CSRNP3: variants seen among roughly 807,000 people sequenced by gnomAD.
The protein encoded by CSRNP3 is cysteine/serine-rich nuclear protein 3.
In CSRNP3, 12 loss-of-function variants were observed where a neutral mutation model predicts 48.0. The ratio of observed to expected loss-of-function variants is 0.25; its 90% CI spans 0.16 to 0.41. The LOEUF is 0.41. Among genes scored for constraint, CSRNP3 ranks in the 10% least tolerant of loss-of-function variants. The pLI, the probability that CSRNP3 is intolerant of heterozygous loss-of-function variation, is 1.00. For missense variants in CSRNP3, 580 were observed against 724.4 expected (o/e 0.80, Z 2.29); for synonymous variants, 263 against 269.7 (o/e 0.98, Z 0.24).
chr2:165,521,590 C>G (rs1475610556), intron 3 of CSRNP3, among the ~76,000 whole-genome samples: 1 of 152,192 alleles, frequency 6.6e-6, no homozygotes, highest in African/African-American at 2.4e-5. Flanking sequence ...CTCTAGGTGG[C>G]TCTTTCTTCT....
intron 2 of CSRNP3, among the ~76,000 whole-genome samples, chr2:165,502,923 C>A (rs953220379): frequency 6.6e-6 from 1 of 151,620 alleles, no homozygotes; most frequent in Non-Finnish European, 1.5e-5. Context: ...TGTATTTAAT[C>A]ATTTGCCTTG....
At chr2:165,522,807 C>A (rs1387972221) in intron 3 of CSRNP3, among the ~76,000 whole-genome samples, 2 of 152,086 alleles carry the variant, frequency 1.3e-5, no homozygotes, top group Admixed American at 1.3e-4. Flanking sequence ...TCCAGCCACT[C>A]CTTTCTTCCA....
At chr2:165,594,989 A>T in intron 3 of CSRNP3, 54 bp from the exon 4 acceptor site, 1 of 1,544,434 alleles carries the variant, frequency 6.5e-7, no homozygotes, top group Non-Finnish European at 8.9e-7. Flanking sequence ...GACCTTGGCT[A>T]CACGTTCAGC....
chr2:165,503,333 A>G (rs1479585759), intron 2 of CSRNP3, among the ~76,000 whole-genome samples: 5 of 151,858 alleles, frequency 3.3e-5, no homozygotes, highest in Non-Finnish European at 7.4e-5. Flanking sequence ...ATTATTTGTT[A>G]TTTATTTGTG....
At chr2:165,670,186 A>G (rs1374424711) in intron 5 of CSRNP3, among the ~76,000 whole-genome samples, 1 of 152,120 alleles carries the variant, frequency 6.6e-6, no homozygotes, top group Non-Finnish European at 1.5e-5. Flanking sequence ...ACCACTGTTC[A>G]TTTAACTGCT....
rs2105371791 is a variant in CSRNP3, at chr2:165,685,505, A to G, written c.*5752A>G. The G allele has an allele frequency of 6.6e-6, 1 of 152,176 alleles. No homozygotes were observed. 9.4% of individuals were successfully genotyped at this position (152,176 alleles called of 1,614,324 possible). A position where few individuals can be genotyped will look rare whatever the true frequency, so the allele number is the denominator to read the frequency against. On this transcript the variant is annotated 3_prime_UTR_variant, in exon 7 of 7. Coordinates refer to ENST00000651982, the MANE Select transcript of CSRNP3 (RefSeq NM_001172173.2). ...ACGACCAGATTCAAAGCCTAAAACA[A>G]TATGTTTCAGTTTACTTTTATATGT...
At chr2:165,599,409 T>A (rs1685874544) in intron 4 of CSRNP3, among the ~76,000 whole-genome samples, 1 of 152,032 alleles carries the variant, frequency 6.6e-6, no homozygotes, top group African/African-American at 2.4e-5. Context: ...TGTCTCACTG[T>A]CATGCAGGTA....
chr2:165,515,790 T>A (rs961297438), intron 2 of CSRNP3, among the ~76,000 whole-genome samples: 2 of 147,696 alleles, frequency 1.4e-5, no homozygotes, highest in African/African-American at 5.0e-5. Flanking sequence ...AATATCTTTT[T>A]CTTTTCCTTT....
At chr2:165,660,140 C>T (rs376223811) in intron 5 of CSRNP3, among the ~76,000 whole-genome samples, 4 of 152,172 alleles carry the variant, frequency 2.6e-5, no homozygotes, top group African/African-American at 7.2e-5. Flanking sequence ...TTGTCACCCA[C>T]GGCAAACCAA....
chr2:165,596,002 G>A (rs1685804149), intron 4 of CSRNP3, among the ~76,000 whole-genome samples: 1 of 151,956 alleles, frequency 6.6e-6, no homozygotes, highest in African/African-American at 2.4e-5. Flanking sequence ...TGTATTTTTA[G>A]TATAGATGGC....
At chr2:165,473,361 G>A (rs1683918117) in intron 1 of CSRNP3, among the ~76,000 whole-genome samples, 2 of 152,006 alleles carry the variant, frequency 1.3e-5, no homozygotes, top group African/African-American at 2.4e-5. Flanking sequence ...TGCTAGTTTG[G>A]CAAATAACCT....
At position 165,676,231 on chromosome 2, in the gene CSRNP3, G is replaced by T; in HGVS notation, c.409-81G>T. ...TATGAGGACATGATGATATATAATAGTTCATTCTCACCCAGTACAAACATA... is the reference window on the plus strand; with the variant it reads ...TATGAGGACATGATGATATATAATATTTCATTCTCACCCAGTACAAACATA... On this transcript the variant is annotated intron_variant, in intron 5 of 6. Transcript: ENST00000651982. 3.0e-6 allele frequency: 3 copies of T among 1,011,474 alleles called. No individual in the cohort carries two copies. The African/African-American group carries it at 4.8e-5, about 16-fold the overall frequency. 62.7% of individuals were successfully genotyped at this position (1,011,474 alleles called of 1,614,324 possible). A position where few individuals can be genotyped will look rare whatever the true frequency, so the allele number is the denominator to read the frequency against.
intron 2 of CSRNP3, among the ~76,000 whole-genome samples, chr2:165,512,836 G>A (rs912122873): frequency 1.3e-5 from 2 of 152,234 alleles, no homozygotes; most frequent in African/African-American, 4.8e-5. Context: ...CGGGCATGGC[G>A]GCTCACGCCT....
At chr2:165,663,121 A>G (rs567900202) in intron 5 of CSRNP3, among the ~76,000 whole-genome samples, 38 of 152,284 alleles carry the variant, frequency 2.5e-4, no homozygotes, top group Non-Finnish European at 4.1e-4. Context: ...TATCTCCTCA[A>G]AAGTCTTTTG....
In CSRNP3 at chr2:165,489,309, T is replaced by C. The variant is rs1480291762; in HGVS notation, c.-282-5450T>C. Among the ~76,000 whole-genome samples the C allele has an allele frequency of 7.6e-5, 11 of 144,366 alleles. No homozygotes were observed. In the East Asian group the frequency reaches 2.1e-3, roughly 27 times the overall value. The allele number at this position is 144,366 out of a possible 152,430, so 94.7% of individuals were successfully genotyped here. On this transcript the variant is annotated intron_variant, in intron 1 of 6. Transcript: ENST00000651982. ...CTGAAATTGTGGCAATAATCAATAG[T>C]TTACCAACCAAAAAGAGTCCAGGAC... is the stretch of plus-strand genomic sequence containing the variant.
At chr2:165,668,791 T>G (rs921923949) in intron 5 of CSRNP3, among the ~76,000 whole-genome samples, 1 of 152,124 alleles carries the variant, frequency 6.6e-6, no homozygotes, top group Non-Finnish European at 1.5e-5. Context: ...GCTCTTAGAG[T>G]GTACTGCCAC....
intron 4 of CSRNP3, among the ~76,000 whole-genome samples, chr2:165,647,605 A>G (rs1686835249): frequency 6.6e-6 from 1 of 152,228 alleles, no homozygotes; most frequent in East Asian, 1.9e-4. Flanking sequence ...CTGAGTACAG[A>G]TAGTCCCTGA....
chr2:165,574,361 G>T, intron 3 of CSRNP3: 1 of 1,549,840 alleles, frequency 6.5e-7, no homozygotes, highest in Non-Finnish European at 8.7e-7. Context: ...GCAGTTAAAT[G>T]AAGTGTGCTT....
intron 4 of CSRNP3, among the ~76,000 whole-genome samples, chr2:165,614,344 G>A (rs1426961403): frequency 6.6e-6 from 1 of 152,018 alleles, no homozygotes; most frequent in Non-Finnish European, 1.5e-5. Context: ...GGACTCTTCA[G>A]GTTTTTCTAC....
Sources: allele counts gnomAD v4.1 joint callset (sites outside exome capture counted in the v4.1 genomes callset), GRCh38; gene constraint gnomAD v4.1.1; transcripts MANE v1.5; gene names NCBI Gene and HGNC (gene_info 2026-07-23, HGNC 2026-07-21).